Variants in EXOG observed in about 807,000 individuals in gnomAD.
EXOG encodes the protein nuclease EXOG, mitochondrial.
In EXOG, 27 loss-of-function variants were observed where a neutral mutation model predicts 25.8. The ratio of observed to expected loss-of-function variants is 1.05; its 90% CI spans 0.77 to 1.45. The LOEUF is 1.45. EXOG is among the 40% of genes most tolerant of loss of function. The pLI is 0.00. For synonymous variants in EXOG, 133 were observed against 167.0 expected, an observed-to-expected ratio of 0.80 and a Z score of 1.57; for missense variants, 458 against 450.5, an observed-to-expected ratio of 1.02 and a Z score of -0.15.
In EXOG at chr3:38,524,600, C is replaced by T; in HGVS notation, c.*238C>T. The T allele has an allele frequency of 5.8e-6, 7 of 1,211,134 alleles. No homozygotes were observed. The highest frequency in any genetic ancestry group is 7.2e-6 in the Non-Finnish European group (7 of 971,080). The allele number at this position is 1,211,134 out of a possible 1,614,324, so 75.0% of individuals were successfully genotyped here. On this transcript the variant is annotated 3_prime_UTR_variant, in exon 6 of 6. Transcript: ENST00000287675. ...CCCCCTGAGCAGCTGGGACTACAGG[C>T]ACACACCATCACCCTCAGCTACTAG...
In EXOG at chr3:38,525,920, G is replaced by A. The variant is rs569882155; in HGVS notation, c.*1558G>A. 2.8e-5 allele frequency: 26 copies of A among 940,902 alleles called. No individual in the cohort carries two copies. Among genetic ancestry groups the A allele is most frequent in the Middle Eastern group, 5.5e-4 (1 of 1,806 alleles). The allele number at this position is 940,902 out of a possible 1,614,324, so 58.3% of individuals were successfully genotyped here. On this transcript the variant is annotated 3_prime_UTR_variant, in exon 6 of 6. Coordinates refer to ENST00000287675, the MANE Select transcript of EXOG (RefSeq NM_005107.4). The stretch of plus-strand genomic sequence containing the variant: ...GGTCATGCCACTGGACGCCAGCCTG[G>A]GCCACAGAGGGAGACCCTGTCTCAA...
In EXOG at chr3:38,524,179, C is replaced by A. The variant is rs764322126; in HGVS notation, c.924C>A (p.Thr308=). The change falls in exon 6 of 6, where the codon ACC becomes ACA. Residue 308 remains threonine (T), a synonymous_variant. Transcript: ENST00000287675. ...AGCTCCTGGATTTCCAGGAGTTCACCTTGTACTTGAGTACAAGAAAGATTG... is the reference window on the plus strand; with the variant it reads ...AGCTCCTGGATTTCCAGGAGTTCACATTGTACTTGAGTACAAGAAAGATTG... The part of the protein sequence containing the change: ...TCKLLDFQEF[T]LYLSTRKIEG... 2.2e-5 allele frequency: 35 copies of A among 1,614,002 alleles called. No individual in the cohort carries two copies. The South Asian group carries it at 3.7e-4, about 17-fold the overall frequency.
chr3:38,511,004 C>T (rs1336527665), intron 5 of EXOG, among the ~76,000 whole-genome samples: 2 of 152,170 alleles, frequency 1.3e-5, no homozygotes, highest in East Asian at 3.9e-4. Flanking sequence ...ATTTATAGGA[C>T]CTATGCATGT....
intron 5 of EXOG, among the ~76,000 whole-genome samples, chr3:38,512,923 A>G (rs1243392609): frequency 6.6e-6 from 1 of 152,112 alleles, no homozygotes; most frequent in Non-Finnish European, 1.5e-5. Flanking sequence ...CAGCCTACCA[A>G]GTAGCTACGA....
chr3:38,508,866 C>T (rs1280130559), intron 5 of EXOG, among the ~76,000 whole-genome samples: 1 of 152,136 alleles, frequency 6.6e-6, no homozygotes, highest in Non-Finnish European at 1.5e-5. Flanking sequence ...TTTTTCCACA[C>T]AAAATTATGA....
chr3:38,526,260 A>G lies in EXOG; in HGVS notation c.*1898A>G, dbSNP rs368346992. 98 of 983,780 alleles carry G rather than the reference A, an allele frequency of 1.0e-4. 1 individual carries two copies. The African/African-American group carries it at 1.4e-3, about 15-fold the overall frequency. The allele number at this position is 983,780 out of a possible 1,614,324, so 60.9% of individuals were successfully genotyped here. A position where few individuals can be genotyped will look rare whatever the true frequency, so the allele number is the denominator to read the frequency against. ...AAGATTTTTGTGGTGTGTTTGTTCT[A>G]AGAGAAATGCCAAGGCTTTCAGATA... On this transcript the variant is annotated 3_prime_UTR_variant, in exon 6 of 6. Transcript: ENST00000287675.
intron 2 of EXOG, 111 bp from the exon 3 acceptor site, chr3:38,501,244 A>G: frequency 1.2e-6 from 1 of 811,068 alleles, no homozygotes. Flanking sequence ...AATCCCTAAT[A>G]CTAGCTGCTT....
intron 5 of EXOG, among the ~76,000 whole-genome samples, chr3:38,516,374 T>C (rs920371058): frequency 1.3e-5 from 2 of 152,228 alleles, no homozygotes; most frequent in Admixed American, 6.5e-5. Flanking sequence ...TCTTAATGTT[T>C]TATTTGGAAA....
intron 5 of EXOG, among the ~76,000 whole-genome samples, chr3:38,518,778 A>C (rs183042965): frequency 2.0e-4 from 30 of 152,338 alleles, no homozygotes; most frequent in African/African-American, 7.2e-4. Flanking sequence ...CATCTCATTC[A>C]ATCTTCACTA....
At chr3:38,512,277 A>C (rs1202114126) in intron 5 of EXOG, among the ~76,000 whole-genome samples, 1 of 152,212 alleles carries the variant, frequency 6.6e-6, no homozygotes, top group Non-Finnish European at 1.5e-5. Context: ...GCATAATGAT[A>C]AAAATGCTAA....
At chr3:38,523,398 C>A in intron 5 of EXOG, 2 of 879,870 alleles carry the variant, frequency 2.3e-6, no homozygotes, top group Non-Finnish European at 2.7e-6. Flanking sequence ...GAGTCTTGCT[C>A]TGTCGGCCAG....
intron 1 of EXOG, chr3:38,497,121 G>C: frequency 1.0e-6 from 1 of 1,003,408 alleles, no homozygotes; most frequent in Non-Finnish European, 1.2e-6. Flanking sequence ...TGTACTTTGC[G>C]GATGTGCTAA....
chr3:38,497,828 C>T, intron 2 of EXOG, 50 bp downstream of exon 2: 1 of 1,552,598 alleles, frequency 6.4e-7, no homozygotes, highest in Non-Finnish European at 8.7e-7. Flanking sequence ...TGAAAGATGT[C>T]TCCAAATTTA....
chr3:38,522,629 C>T (rs755478390), intron 5 of EXOG, among the ~76,000 whole-genome samples: 4 of 152,140 alleles, frequency 2.6e-5, no homozygotes, highest in Non-Finnish European at 4.4e-5. Context: ...CTCAGCCTCC[C>T]GAGTAGCAGG....
chr3:38,501,505 T>C lies in EXOG; in HGVS notation c.453+11T>C, dbSNP rs778748335. 8 of 1,613,348 alleles carry C rather than the reference T, an allele frequency of 5.0e-6. No homozygotes were observed. Among genetic ancestry groups the C allele is most frequent in the South Asian group, 1.1e-5 (1 of 91,026 alleles). Reference sequence around the variant, plus strand: ...AACAAATTTTCAAGTGTAGGCATACTTTGGGGGAGGGATGGGAATATGGGG... The same window carrying C: ...AACAAATTTTCAAGTGTAGGCATACCTTGGGGGAGGGATGGGAATATGGGG... On this transcript the variant is annotated intron_variant, in intron 3 of 5. Transcript: ENST00000287675.
At chr3:38,517,591 C>G (rs1234738005) in intron 5 of EXOG, among the ~76,000 whole-genome samples, 1 of 152,150 alleles carries the variant, frequency 6.6e-6, no homozygotes, top group Non-Finnish European at 1.5e-5. Context: ...TTATTTTTAG[C>G]CTTTTGTAGT....
chr3:38,520,778 C>T (rs1192310423), intron 5 of EXOG, among the ~76,000 whole-genome samples: 3 of 152,140 alleles, frequency 2.0e-5, no homozygotes, highest in Non-Finnish European at 4.4e-5. Flanking sequence ...TTATAAAATA[C>T]AAAATAGCAA....
chr3:38,505,930 A>C (rs961784587), intron 4 of EXOG, among the ~76,000 whole-genome samples: 2 of 148,604 alleles, frequency 1.3e-5, no homozygotes, highest in African/African-American at 5.0e-5. Flanking sequence ...TGGGTGACAG[A>C]GTGAGTGAGA....
At chr3:38,509,457 A>T (rs1340916547) in intron 5 of EXOG, among the ~76,000 whole-genome samples, 1 of 152,218 alleles carries the variant, frequency 6.6e-6, no homozygotes, top group African/African-American at 2.4e-5. Flanking sequence ...AATAGAACTG[A>T]TAAAAATATA....
Sources: gnomAD v4.1 joint callset for allele counts (sites outside exome capture counted in the v4.1 genomes callset) on GRCh38, gnomAD v4.1.1 for gene constraint, MANE v1.5 for transcripts, NCBI Gene and HGNC (gene_info 2026-07-23, HGNC 2026-07-21) for gene names.